Variants in CACNA2D3 observed in about 807,000 individuals in gnomAD.
CACNA2D3 encodes the protein voltage-dependent calcium channel subunit alpha-2/delta-3.
In CACNA2D3, 60 loss-of-function variants were observed where a neutral mutation model predicts 160.6. That is an observed-to-expected ratio of 0.37 (90% CI 0.30 to 0.46). CACNA2D3 has a LOEUF of 0.46. CACNA2D3 is among the 20% of genes least tolerant of loss of function. CACNA2D3 has a pLI of 1.00. For synonymous variants in CACNA2D3, 558 were observed against 492.9 expected (o/e 1.13, Z -1.75); for missense variants, 1,205 against 1,365.0 (o/e 0.88, Z 1.85).
At chr3:54,154,559 T>G (rs1175212470) in intron 2 of CACNA2D3, among the ~76,000 whole-genome samples, 2 of 151,980 alleles carry the variant, frequency 1.3e-5, no homozygotes, top group Non-Finnish European at 2.9e-5. Context: ...GTTTCCCCAA[T>G]TATAGCCATA....
chr3:54,147,931 C>T (rs1213624125), intron 2 of CACNA2D3, among the ~76,000 whole-genome samples: 13 of 152,196 alleles, frequency 8.5e-5, no homozygotes, highest in South Asian at 2.1e-4. Context: ...CTCAGCCCCC[C>T]GAGGAGTTGG....
rs3030044 is a variant in CACNA2D3, at chr3:54,475,809, T to TTG, written c.382-27656_382-27655dup. 1.3e-3 allele frequency among the ~76,000 whole-genome samples: 185 copies of TTG among 142,818 alleles called. 1 individual carries two copies. The highest frequency in any genetic ancestry group is 3.7e-3 in the African/African-American group (143 of 38,280). 93.7% of individuals were successfully genotyped at this position (142,818 alleles called of 152,430 possible). A position where few individuals can be genotyped will look rare whatever the true frequency, so the allele number is the denominator to read the frequency against. ...ATCCATCTTCTCACATGGTTACCATTTGTGTGTGTGTGTGTGTGTGTGTGT... is the reference window on the plus strand; with the variant it reads ...ATCCATCTTCTCACATGGTTACCATTTGTGTGTGTGTGTGTGTGTGTGTGTGT... On this transcript the variant is annotated intron_variant, in intron 4 of 37. Coordinates refer to ENST00000474759, the MANE Select transcript of CACNA2D3 (RefSeq NM_018398.3).
chr3:54,805,639 A>G (rs1248628998), intron 13 of CACNA2D3, among the ~76,000 whole-genome samples: 2 of 152,232 alleles, frequency 1.3e-5, no homozygotes, highest in African/African-American at 4.8e-5. Context: ...AGGAATTGGT[A>G]CCATTCCTTC....
At chr3:54,925,247 A>T (rs1225063724) in intron 27 of CACNA2D3, 1 of 1,566,848 alleles carries the variant, frequency 6.4e-7, no homozygotes. Flanking sequence ...TGGGATAGGA[A>T]CCAGTTTGTG....
intron 9 of CACNA2D3, among the ~76,000 whole-genome samples, chr3:54,622,862 G>C (rs770891131): frequency 6.6e-6 from 1 of 152,174 alleles, no homozygotes; most frequent in Non-Finnish European, 1.5e-5. Context: ...AGCACTGGCT[G>C]TTAAAGCCTC....
chr3:54,162,312 C>T (rs1175321836), intron 2 of CACNA2D3, among the ~76,000 whole-genome samples: 1 of 152,118 alleles, frequency 6.6e-6, no homozygotes, highest in African/African-American at 2.4e-5. Context: ...GGGACCTCAT[C>T]TGGGATGACG....
chr3:54,758,167 G>A (rs781509318), intron 12 of CACNA2D3, among the ~76,000 whole-genome samples: 3 of 152,156 alleles, frequency 2.0e-5, no homozygotes, highest in Non-Finnish European at 4.4e-5. Flanking sequence ...TAGATAAGAC[G>A]AGACCAGGAG....
At chr3:54,469,412 A>T (rs1482600723) in intron 4 of CACNA2D3, among the ~76,000 whole-genome samples, 3 of 152,204 alleles carry the variant, frequency 2.0e-5, no homozygotes, top group Non-Finnish European at 4.4e-5. Context: ...CAAAAACCTC[A>T]TCCGAATGTC....
intron 18 of CACNA2D3, among the ~76,000 whole-genome samples, chr3:54,874,321 C>T (rs1420672877): frequency 6.6e-6 from 1 of 152,138 alleles, no homozygotes; most frequent in African/African-American, 2.4e-5. Context: ...TTGGCGGACC[C>T]GTGTGCCAGC....
chr3:54,917,738 T>A (rs1700697490), intron 27 of CACNA2D3, among the ~76,000 whole-genome samples: 1 of 152,186 alleles, frequency 6.6e-6, no homozygotes, highest in Admixed American at 6.5e-5. Context: ...CCCATCCTCT[T>A]TGTGTTTGTT....
chr3:54,250,963 T>G (rs1702178020), intron 2 of CACNA2D3, among the ~76,000 whole-genome samples: 1 of 150,688 alleles, frequency 6.6e-6, no homozygotes, highest in African/African-American at 2.4e-5. Flanking sequence ...CAGGAAGGAG[T>G]AAAGATCTGA....
chr3:54,220,597 G>A (rs1559886546), intron 2 of CACNA2D3, among the ~76,000 whole-genome samples: 1 of 152,048 alleles, frequency 6.6e-6, no homozygotes, highest in Non-Finnish European at 1.5e-5. Flanking sequence ...GGGCAGCCTG[G>A]AGCCTCAGCA....
intron 3 of CACNA2D3, among the ~76,000 whole-genome samples, chr3:54,332,941 G>A (rs533252952): frequency 1.3e-5 from 2 of 152,248 alleles, no homozygotes; most frequent in East Asian, 1.9e-4. Context: ...CTTTGAAATC[G>A]GGAGTCCTGG....
intron 17 of CACNA2D3, among the ~76,000 whole-genome samples, chr3:54,870,972 C>G (rs1699510857): frequency 6.6e-6 from 1 of 151,586 alleles, no homozygotes; most frequent in South Asian, 2.1e-4. Flanking sequence ...GGGGATATGA[C>G]TAGATTCTTT....
At chr3:54,457,411 T>C (rs1219942826) in intron 4 of CACNA2D3, among the ~76,000 whole-genome samples, 1 of 152,060 alleles carries the variant, frequency 6.6e-6, no homozygotes, top group Non-Finnish European at 1.5e-5. Context: ...ACATTGTCAT[T>C]AGAAAATATA....
At position 54,764,340 on chromosome 3, in the gene CACNA2D3, A is replaced by G. The variant is rs749305531; in HGVS notation, c.1369A>G (p.Ile457Val). ...EHDVVWTEAY[I>V]DSTLPQAQKL... ...TGATGTGGTGTGGACCGAAGCTTAC[A>G]TTGACAGCACTGTGAGTCCACGGGG... Residue 457 changes from isoleucine (I) to valine (V), a missense_variant, in exon 13 of 38, where the codon ATT (isoleucine) becomes GTT (valine). Transcript: ENST00000474759. 1.2e-5 allele frequency: 20 copies of G among 1,613,738 alleles called. No individual in the cohort carries two copies. Among genetic ancestry groups the G allele is most frequent in the South Asian group, 3.3e-5 (3 of 91,076 alleles).
At chr3:54,981,331 C>T in intron 29 of CACNA2D3, among the ~76,000 whole-genome samples, 1 of 152,246 alleles carries the variant, frequency 6.6e-6, no homozygotes, top group South Asian at 2.1e-4. Context: ...CAGAAAGACA[C>T]ACACAGCACA....
At position 54,689,298 on chromosome 3, in the gene CACNA2D3, A is replaced by G. The variant is rs540838661; in HGVS notation, c.1167+47057A>G. 4.6e-5 allele frequency among the ~76,000 whole-genome samples: 7 copies of G among 152,152 alleles called. No homozygotes were observed. The South Asian group carries it at 8.3e-4, about 18-fold the overall frequency. ...GGTTCCCGCTCAGTTCTTCCAGCCT[A>G]CATGCTCCAGGCACAGTGCTTATTG... On this transcript the variant is annotated intron_variant, in intron 11 of 37. Coordinates refer to ENST00000474759, the MANE Select transcript of CACNA2D3 (RefSeq NM_018398.3).
At chr3:54,963,183 C>A (rs1462941150) in intron 27 of CACNA2D3, among the ~76,000 whole-genome samples, 1 of 152,168 alleles carries the variant, frequency 6.6e-6, no homozygotes, top group Non-Finnish European at 1.5e-5. Flanking sequence ...TTTCCAACTT[C>A]CCCTTGCAAG....
Sources: gnomAD v4.1 joint callset for allele counts (sites outside exome capture counted in the v4.1 genomes callset) on GRCh38, gnomAD v4.1.1 for gene constraint, MANE v1.5 for transcripts, NCBI Gene and HGNC (gene_info 2026-07-23, HGNC 2026-07-21) for gene names.